MOB1A: variants seen among roughly 807,000 people sequenced by gnomAD.
The protein encoded by MOB1A is MOB1 Mps One Binder homolog A.
MOB1A carries 10 observed loss-of-function variants against 25.1 expected under a neutral mutation model. That is an observed-to-expected ratio of 0.40 (90% CI 0.25 to 0.68). MOB1A has a LOEUF of 0.68. Ranked by LOEUF, MOB1A falls within the 30% of genes least tolerant of loss-of-function variation. The pLI is 0.40. For synonymous variants in MOB1A, 81 were observed against 79.5 expected (o/e 1.02, Z -0.10); for missense variants, 177 against 256.3 (o/e 0.69, Z 2.11).
chr2:74,161,614 A>T (rs1309790800), intron 4 of MOB1A, among the ~76,000 whole-genome samples: 5 of 144,420 alleles, frequency 3.5e-5, no homozygotes, highest in Non-Finnish European at 7.5e-5. Flanking sequence ...ATGCCACTGC[A>T]CTCCAGCCTG....
At chr2:74,169,158 C>T (rs149232153) in intron 2 of MOB1A, among the ~76,000 whole-genome samples, 160 of 152,168 alleles carry the variant, frequency 1.1e-3, no homozygotes, top group African/African-American at 3.7e-3. Context: ...AGTCATTTTT[C>T]GTAAAAACAT....
Position 74,156,236 on chromosome 2 carries a change from T to C in MOB1A, c.*332A>G, listed in dbSNP as rs1463947584. The C allele has an allele frequency of 5.1e-6, 1 of 194,882 alleles. No homozygotes were observed. Among genetic ancestry groups the C allele is most frequent in the Non-Finnish European group, 1.0e-5 (1 of 95,984 alleles). The allele number at this position is 194,882 out of a possible 1,614,324, so 12.1% of individuals were successfully genotyped here. On this transcript the variant is annotated 3_prime_UTR_variant, in exon 6 of 6. Coordinates refer to ENST00000396049, the MANE Select transcript of MOB1A (RefSeq NM_018221.5). ...TCACCTAAAACAGATTCAATCATTT[T>C]CTTGTAAAGAAATGACTGAGTAAAT...
intron 1 of MOB1A, 90 bp from the exon 2 acceptor site, chr2:74,172,842 G>A (rs1693333904): frequency 7.4e-7 from 1 of 1,343,542 alleles, no homozygotes. Flanking sequence ...AAAGTAGCCT[G>A]TAAAAATAAA....
intron 5 of MOB1A, among the ~76,000 whole-genome samples, chr2:74,157,340 C>A (rs1334694800): frequency 6.6e-6 from 1 of 151,956 alleles, no homozygotes; most frequent in Non-Finnish European, 1.5e-5. Context: ...AGCATGGAAG[C>A]CCCTTCTCCT....
chr2:74,163,023 A>G (rs1343234838), intron 4 of MOB1A, among the ~76,000 whole-genome samples: 2 of 152,206 alleles, frequency 1.3e-5, no homozygotes, highest in Non-Finnish European at 2.9e-5. Context: ...TTTCATTAAT[A>G]TAATTTTTTA....
At chr2:74,175,247 T>C (rs7566671) in intron 1 of MOB1A, among the ~76,000 whole-genome samples, 25,543 of 152,178 alleles carry the variant, frequency 0.17, 2,572 homozygotes, top group East Asian at 0.38. Context: ...CCAGATGGGA[T>C]TGTCTAGTTG....
intron 4 of MOB1A, 29 bp downstream of exon 4, chr2:74,165,189 G>C (rs1304629702): frequency 6.8e-7 from 1 of 1,463,972 alleles, no homozygotes. Flanking sequence ...TTTAAAAAAA[G>C]AAAGAATACT....
At chr2:74,160,425 C>G (rs1258071758) in intron 4 of MOB1A, among the ~76,000 whole-genome samples, 1 of 152,222 alleles carries the variant, frequency 6.6e-6, no homozygotes, top group Non-Finnish European at 1.5e-5. Flanking sequence ...TGGCTCACGC[C>G]TGTAATCCCA....
At chr2:74,173,378 T>G (rs1173724804) in intron 1 of MOB1A, among the ~76,000 whole-genome samples, 1 of 97,082 alleles carries the variant, frequency 1.0e-5, no homozygotes, top group South Asian at 3.3e-4. Context: ...CAATTTCGGT[T>G]TTTTTTTTTT....
At chr2:74,178,199 C>G (rs911603410) in intron 1 of MOB1A, 1 of 153,076 alleles carries the variant, frequency 6.5e-6, no homozygotes, top group Non-Finnish European at 1.5e-5. Flanking sequence ...CCAAGGCCAG[C>G]ATCTTAACTT....
Position 74,156,488 on chromosome 2 carries a change from C to A in MOB1A, c.*80G>T. Reference sequence around the variant, plus strand: ...TATCCTGTTTTCTTAAAGTTTGTATCACTAGTCTATAACAGATAGCAATGA... The same window carrying A: ...TATCCTGTTTTCTTAAAGTTTGTATAACTAGTCTATAACAGATAGCAATGA... On this transcript the variant is annotated 3_prime_UTR_variant, in exon 6 of 6. Coordinates refer to ENST00000396049, the MANE Select transcript of MOB1A (RefSeq NM_018221.5). 1 of 1,020,208 alleles carries A rather than the reference C, an allele frequency of 9.8e-7. No individual in the cohort carries two copies. The highest frequency in any genetic ancestry group is 1.5e-6 in the Non-Finnish European group (1 of 669,852). 63.2% of individuals were successfully genotyped at this position (1,020,208 alleles called of 1,614,324 possible).
rs1692782521 is a variant in MOB1A at position 74,155,573 on chromosome 2, C to T, written c.*995G>A. The T allele has an allele frequency of 2.0e-5, 3 of 152,488 alleles. No individual in the cohort carries two copies. The highest frequency in any genetic ancestry group is 2.0e-4 in the Admixed American group (3 of 15,258). 9.4% of individuals were successfully genotyped at this position (152,488 alleles called of 1,614,324 possible). ...ATGAAGTTCATGCATTTCTACACTA[C>T]TCTTAACTAAGGCTCAAGAGACAAT... On this transcript the variant is annotated 3_prime_UTR_variant, in exon 6 of 6. Coordinates refer to ENST00000396049, the MANE Select transcript of MOB1A (RefSeq NM_018221.5).
At chr2:74,158,202 G>GAAA (rs11394713) in intron 5 of MOB1A, among the ~76,000 whole-genome samples, 1 of 135,982 alleles carries the variant, frequency 7.4e-6, no homozygotes. Flanking sequence ...AAAGAGGGGG[G>GAAA]AAAAAAAAAA....
In MOB1A at chr2:74,178,874, C is replaced by G. The variant is rs1693560459; in HGVS notation, c.-200G>C. The G allele has an allele frequency of 5.3e-6, 2 of 377,138 alleles. No homozygotes were observed. The highest frequency in any genetic ancestry group is 1.4e-4 in the South Asian group (1 of 7,244). The allele number at this position is 377,138 out of a possible 1,614,324, so 23.4% of individuals were successfully genotyped here. A position where few individuals can be genotyped will look rare whatever the true frequency, so the allele number is the denominator to read the frequency against. Reference sequence around the variant, plus strand: ...GCCCGCCTACCCCACCTCGCAGACCCGAAATGCGGAACCAACAAAATCTCG... The same window carrying G: ...GCCCGCCTACCCCACCTCGCAGACCGGAAATGCGGAACCAACAAAATCTCG... On this transcript the variant is annotated 5_prime_UTR_variant, in exon 1 of 6. Coordinates refer to ENST00000396049, the MANE Select transcript of MOB1A (RefSeq NM_018221.5).
intron 4 of MOB1A, among the ~76,000 whole-genome samples, chr2:74,159,849 C>T (rs1367691630): frequency 3.0e-5 from 4 of 131,572 alleles, no homozygotes; most frequent in African/African-American, 8.3e-5. Flanking sequence ...CTGAGCCTCA[C>T]TCTGTCACCC....
At chr2:74,160,904 C>T (rs1028427127) in intron 4 of MOB1A, among the ~76,000 whole-genome samples, 1 of 151,814 alleles carries the variant, frequency 6.6e-6, no homozygotes, top group African/African-American at 2.4e-5. Context: ...ACTAAAAATA[C>T]AAAAATTAGC....
chr2:74,172,810 A>G, intron 1 of MOB1A, 58 bp from the exon 2 acceptor site: 1 of 1,521,014 alleles, frequency 6.6e-7, no homozygotes, highest in South Asian at 1.2e-5. Context: ...GAACAGGTAG[A>G]ACAACATAAT....
rs1399280629 is a variant in MOB1A at position 74,159,078 on chromosome 2, T to C, written c.573+13A>G. The C allele has an allele frequency of 6.2e-7, 1 of 1,612,954 alleles. No individual in the cohort carries two copies. The highest frequency in any genetic ancestry group is 1.7e-5 in the Admixed American group (1 of 59,568). On this transcript the variant is annotated intron_variant, in intron 5 of 5. Coordinates refer to ENST00000396049, the MANE Select transcript of MOB1A (RefSeq NM_018221.5). ...AAGTCACAGGACACAGAAATCAACA[T>C]GGATCAACTTACCTGAACAAAGAAA...
chr2:74,176,505 G>A (rs957413963), intron 1 of MOB1A, among the ~76,000 whole-genome samples: 8 of 151,650 alleles, frequency 5.3e-5, no homozygotes, highest in African/African-American at 1.5e-4. Flanking sequence ...TGGCTCACGC[G>A]TGTAATCCCT....
Sources: gnomAD v4.1 joint callset for allele counts (sites outside exome capture counted in the v4.1 genomes callset) on GRCh38, gnomAD v4.1.1 for gene constraint, MANE v1.5 for transcripts, NCBI Gene and HGNC (gene_info 2026-07-23, HGNC 2026-07-21) for gene names.